Variants in TBC1D9B observed in about 807,000 individuals in gnomAD.
TBC1D9B encodes the protein TBC1 domain family, member 9B (with GRAM domain).
TBC1D9B carries 87 observed loss-of-function variants against 121.1 expected under a neutral mutation model. That is an observed-to-expected ratio of 0.72 (90% CI 0.60 to 0.86). TBC1D9B has a LOEUF of 0.86. Ranked by LOEUF, TBC1D9B falls within the 40% of genes least tolerant of loss-of-function variation. TBC1D9B has a pLI of 0.00. For missense variants in TBC1D9B, 1,540 were observed against 1,628.6 expected (o/e 0.95, Z 0.94); for synonymous variants, 668 against 670.1 (o/e 1.00, Z 0.05).
chr5:179,889,837 G>A (rs1369373505), intron 6 of TBC1D9B, among the ~76,000 whole-genome samples: 2 of 134,738 alleles, frequency 1.5e-5, no homozygotes, highest in Admixed American at 8.2e-5. Flanking sequence ...TCACACCACT[G>A]CACTCCTGCC....
At position 179,902,105 on chromosome 5, in the gene TBC1D9B, C is replaced by G. The variant is rs1380124537; in HGVS notation, c.229+2597G>C. Reference sequence around the variant, plus strand: ...CTGGGTGCCTGGCTGCAGAGCCTGCCCTCACCCTCGGAAGCTCCCGGCCTC... The same window carrying G: ...CTGGGTGCCTGGCTGCAGAGCCTGCGCTCACCCTCGGAAGCTCCCGGCCTC... On this transcript the variant is annotated intron_variant, in intron 2 of 20. Coordinates refer to ENST00000355235, the MANE Select transcript of TBC1D9B (RefSeq NM_015043.4). The surrounding 1 kb of genome is among the most constrained non-coding windows in gnomAD (Gnocchi z 4.9). 6.6e-6 allele frequency among the ~76,000 whole-genome samples: 1 copy of G among 152,232 alleles called. No individual in the cohort carries two copies. The highest frequency in any genetic ancestry group is 1.5e-5 in the Non-Finnish European group (1 of 68,050).
At position 179,865,257 on chromosome 5, in the gene TBC1D9B, G is replaced by A; in HGVS notation, c.3018C>T (p.Asn1006=). The change falls in exon 20 of 21, where the codon AAC becomes AAT. Residue 1006 remains asparagine (N), a synonymous_variant. Coordinates refer to ENST00000355235, the MANE Select transcript of TBC1D9B (RefSeq NM_015043.4). This position sits in a 1 kb window ranked among gnomAD's most constrained non-coding sequence, Gnocchi z 5.1. ...TGTGGGCTCCAGTGGAGCCTACCTG[G>A]TTCATCTTGGGAAGATCCTTAATCG... is the stretch of plus-strand genomic sequence containing the variant. ...KETIKDLPKM[N]QEQFIELCKT... 2 of 1,614,124 alleles carry A rather than the reference G, an allele frequency of 1.2e-6. No homozygotes were observed. Among genetic ancestry groups the A allele is most frequent in the African/African-American group, 2.7e-5 (2 of 75,066 alleles).
Position 179,865,894 on chromosome 5 carries a change from C to T in TBC1D9B, c.2864-6G>A. On this transcript the variant is annotated splice_polypyrimidine_tract_variant and splice_region_variant and intron_variant, in intron 18 of 20. Coordinates refer to ENST00000355235, the MANE Select transcript of TBC1D9B (RefSeq NM_015043.4). This position sits in a 1 kb window ranked among gnomAD's most constrained non-coding sequence, Gnocchi z 5.1. ...CTCTTCCTGTGGTAGTGCTTCTGGA[C>T]AAACGCAAAAATAAAAAGAACATGA... 1 of 1,613,902 alleles carries T rather than the reference C, an allele frequency of 6.2e-7. No individual in the cohort carries two copies. The highest frequency in any genetic ancestry group is 1.3e-5 in the African/African-American group (1 of 75,010).
At chr5:179,893,669 C>T (rs996843772) in intron 4 of TBC1D9B, among the ~76,000 whole-genome samples, 1 of 152,156 alleles carries the variant, frequency 6.6e-6, no homozygotes, top group African/African-American at 2.4e-5. Context: ...CCAGACCAAC[C>T]ACACACGGTG....
intron 18 of TBC1D9B, 39 bp downstream of exon 18, chr5:179,867,739 T>G (rs1582074150): frequency 6.2e-7 from 1 of 1,603,632 alleles, no homozygotes; most frequent in Non-Finnish European, 8.5e-7. Flanking sequence ...GGCTGCAGAG[T>G]GCTGGCTGGG....
intron 7 of TBC1D9B, among the ~76,000 whole-genome samples, chr5:179,880,375 G>C (rs1760504403): frequency 6.6e-6 from 1 of 152,222 alleles, no homozygotes; most frequent in African/African-American, 2.4e-5. Flanking sequence ...AAGTCCAGTG[G>C]GGGAGAGCCC....
At chr5:179,869,939 T>C in intron 16 of TBC1D9B, 105 bp from the exon 17 acceptor site, 1 of 1,164,224 alleles carries the variant, frequency 8.6e-7, no homozygotes, top group Non-Finnish European at 1.2e-6. Context: ...CCCAACTCCC[T>C]CCTGGAGAGG....
At chr5:179,872,112 C>T (rs1441753579) in intron 14 of TBC1D9B, 2 of 97,170 alleles carry the variant, frequency 2.1e-5, no homozygotes, top group African/African-American at 8.5e-5. Flanking sequence ...TCTCACACTC[C>T]GGGCCCCTTC....
chr5:179,884,450 G>C (rs570101104), intron 7 of TBC1D9B: 1 of 152,170 alleles, frequency 6.6e-6, no homozygotes, highest in African/African-American at 2.4e-5. Context: ...TTGGTGGATA[G>C]AGCATAGCAC....
rs1759929126 is a variant in TBC1D9B at position 179,863,968 on chromosome 5, T to C, written c.3182A>G (p.Asp1061Gly). 1.2e-6 allele frequency: 2 copies of C among 1,613,680 alleles called. No individual in the cohort carries two copies. Among genetic ancestry groups the C allele is most frequent in the African/African-American group, 1.3e-5 (1 of 74,916 alleles). The change falls in exon 21 of 21, where the codon GAC (aspartate) becomes GGC (glycine). Residue 1061 changes from aspartate (D) to glycine (G), a missense_variant. Coordinates refer to ENST00000355235, the MANE Select transcript of TBC1D9B (RefSeq NM_015043.4). This position sits in a 1 kb window ranked among gnomAD's most constrained non-coding sequence, Gnocchi z 4.5. ...TGGCTCGTCCTCCTCAGTGGCACAG[T>C]CCCTGGGCTTCCTGCCTGTGCGGGC... Reference protein sequence around the residue: ...FSARTGRKPRDCATEEDEPPA... With the variant: ...FSARTGRKPRGCATEEDEPPA...
rs965978126 is a variant in TBC1D9B, at chr5:179,902,331, T to C, written c.229+2371A>G. ...TGTGGTCCGGCTGAAGGCCAGGCTG[T>C]GAGCTGGGGAGACAAGGCCAGAAAT... On this transcript the variant is annotated intron_variant, in intron 2 of 20. Transcript: ENST00000355235. The surrounding 1 kb of genome is among the most constrained non-coding windows in gnomAD (Gnocchi z 4.9). Among the ~76,000 whole-genome samples the C allele has an allele frequency of 1.3e-5, 2 of 152,176 alleles. No individual in the cohort carries two copies. The highest frequency in any genetic ancestry group is 2.9e-5 in the Non-Finnish European group (2 of 68,012).
At chr5:179,871,638 G>A (rs1325823259) in intron 14 of TBC1D9B, 108 bp from the exon 15 acceptor site, 6 of 1,200,888 alleles carry the variant, frequency 5.0e-6, no homozygotes, top group Non-Finnish European at 4.8e-6. Context: ...GGTGTGAACC[G>A]CCCTCTCAGT....
At position 179,878,492 on chromosome 5, in the gene TBC1D9B, C is replaced by T; in HGVS notation, c.1599G>A (p.Gly533=). The T allele has an allele frequency of 6.2e-7, 1 of 1,609,870 alleles. No individual in the cohort carries two copies. The highest frequency in any genetic ancestry group is 8.5e-7 in the Non-Finnish European group (1 of 1,178,062). The change falls in exon 10 of 21, where the codon GGG becomes GGA. Residue 533 remains glycine, a synonymous_variant. Transcript: ENST00000355235. ...GAWNEMVTHP[G]YYAELVEKST... Reference sequence around the variant, plus strand: ...ACTTCTCCACCAGCTCAGCATAGTACCCGGGGTGAGTCACCATCTCATTCC... The same window carrying T: ...ACTTCTCCACCAGCTCAGCATAGTATCCGGGGTGAGTCACCATCTCATTCC...
chr5:179,869,910 C>G (rs867524624), intron 16 of TBC1D9B, 76 bp from the exon 17 acceptor site: 17 of 1,377,254 alleles, frequency 1.2e-5, no homozygotes, highest in Admixed American at 2.4e-5. Flanking sequence ...GAGTAGGACC[C>G]TCTTCACAGC....
rs773032638 is a variant in TBC1D9B, at chr5:179,863,925, ATGCAGTTCGGGTGCTGG to A, written c.3208_3224del (p.Pro1070SerfsTer53). 1 of 1,613,792 alleles carries A rather than the reference ATGCAGTTCGGGTGCTGG, an allele frequency of 6.2e-7. No individual in the cohort carries two copies. The highest frequency in any genetic ancestry group is 8.5e-7 in the Non-Finnish European group (1 of 1,179,992). Reference sequence around the variant, plus strand: ...GCTGAAGCTCCCTGGCTGCGTCCTGATGCAGTTCGGGTGCTGGTGGCTCGTCCTCCTCAGTGGCACAG... The same window carrying A: ...GCTGAAGCTCCCTGGCTGCGTCCTGATGGCTCGTCCTCCTCAGTGGCACAG... On this transcript the variant is annotated frameshift_variant, in exon 21 of 21. Transcript: ENST00000355235. LOFTEE classifies it low-confidence loss of function (END_TRUNC). The surrounding 1 kb of genome is among the most constrained non-coding windows in gnomAD (Gnocchi z 4.5).
Position 179,865,656 on chromosome 5 carries a change from C to T in TBC1D9B, c.2914+182G>A, listed in dbSNP as rs1265474280. 1.4e-6 allele frequency: 1 copy of T among 693,734 alleles called. No individual in the cohort carries two copies. Among genetic ancestry groups the T allele is most frequent in the East Asian group, 2.7e-5 (1 of 37,584 alleles). The allele number at this position is 693,734 out of a possible 1,614,324, so 43.0% of individuals were successfully genotyped here. A position where few individuals can be genotyped will look rare whatever the true frequency, so the allele number is the denominator to read the frequency against. ...TGGCAAGAGAGGGCTGGCTGGGTGC[C>T]CGTGGGGCTGGTGGAGAGCGTGGAG... On this transcript the variant is annotated intron_variant, in intron 19 of 20. Transcript: ENST00000355235. The surrounding 1 kb of genome is among the most constrained non-coding windows in gnomAD (Gnocchi z 5.1).
Position 179,902,012 on chromosome 5 carries a change from GCA to G in TBC1D9B, c.229+2688_229+2689del, listed in dbSNP as rs766494536. Among the ~76,000 whole-genome samples, 30 of 152,344 alleles carry G rather than the reference GCA, an allele frequency of 2.0e-4. No homozygotes were observed. The highest frequency in any genetic ancestry group is 2.8e-4 in the Non-Finnish European group (19 of 68,028). On this transcript the variant is annotated intron_variant, in intron 2 of 20. Coordinates refer to ENST00000355235, the MANE Select transcript of TBC1D9B (RefSeq NM_015043.4). This position sits in a 1 kb window ranked among gnomAD's most constrained non-coding sequence, Gnocchi z 4.9. ...TTTCATTTTACCAGATGAAGCTGAG[GCA>G]CAGAGAGGTGAAATAAGTTACCCAA...
intron 10 of TBC1D9B, among the ~76,000 whole-genome samples, chr5:179,877,664 C>CAAAAAAAAAAAAAAA (rs564753950): frequency 2.4e-4 from 16 of 66,536 alleles, no homozygotes; most frequent in East Asian, 5.3e-4. Context: ...GATTCTATCT[C>CAAAAAAAAAAAAAAA]AAAAAAAAAA....
chr5:179,887,412 G>A (rs949033412), intron 7 of TBC1D9B, among the ~76,000 whole-genome samples: 4 of 152,256 alleles, frequency 2.6e-5, no homozygotes, highest in African/African-American at 9.6e-5. Flanking sequence ...AAGAGACACA[G>A]GAGCTTGCTA....
Sources: allele counts gnomAD v4.1 joint callset (sites outside exome capture counted in the v4.1 genomes callset), GRCh38; gene constraint gnomAD v4.1.1; non-coding constraint Gnocchi (gnomAD v3.1); transcripts MANE v1.5; gene names NCBI Gene and HGNC (gene_info 2026-07-23, HGNC 2026-07-21).